ARMC8: variants seen among roughly 807,000 people sequenced by gnomAD.
ARMC8 encodes the protein armadillo repeat-containing protein 8.
In ARMC8, 20 loss-of-function variants were observed where a neutral mutation model predicts 99.3. The ratio of observed to expected loss-of-function variants is 0.20; its 90% confidence interval spans 0.14 to 0.29. ARMC8 has a LOEUF of 0.29. Among genes scored for constraint, ARMC8 ranks in the 10% least tolerant of loss-of-function variants. ARMC8 has a pLI of 1.00. For missense variants in ARMC8, 569 were observed against 809.5 expected, an observed-to-expected ratio of 0.70 and a Z score of 3.60; for synonymous variants, 263 against 278.3, an observed-to-expected ratio of 0.95 and a Z score of 0.55.
intron 12 of ARMC8, chr3:138,262,464 CTTCTT>C: frequency 3.9e-6 from 6 of 1,520,232 alleles, no homozygotes; most frequent in Non-Finnish European, 5.4e-6. Flanking sequence ...ATTTTCTTCT[CTTCTT>C]GTTTGGCTGA....
intron 21 of ARMC8, among the ~76,000 whole-genome samples, chr3:138,292,551 G>C (rs1274423956): frequency 1.3e-5 from 2 of 152,212 alleles, no homozygotes; most frequent in African/African-American, 2.4e-5. Flanking sequence ...ATTCAGTACA[G>C]GATGTTAAAG....
intron 1 of ARMC8, among the ~76,000 whole-genome samples, chr3:138,208,031 T>C (rs1203761925): frequency 6.6e-6 from 1 of 151,592 alleles, no homozygotes; most frequent in Non-Finnish European, 1.5e-5. Flanking sequence ...GAGGCTGAGA[T>C]GAGAGTATTC....
At chr3:138,224,613 C>T (rs1300076807) in intron 5 of ARMC8, among the ~76,000 whole-genome samples, 5 of 152,050 alleles carry the variant, frequency 3.3e-5, no homozygotes, top group East Asian at 3.9e-4. Context: ...TAACCGGGCA[C>T]GGTGGCACAT....
intron 1 of ARMC8, among the ~76,000 whole-genome samples, chr3:138,206,619 C>A (rs898348158): frequency 5.3e-5 from 8 of 152,202 alleles, no homozygotes; most frequent in African/African-American, 9.6e-5. Flanking sequence ...TTTCTCTTAT[C>A]AACCCATTTA....
At chr3:138,290,203 G>A (rs111512640) in intron 20 of ARMC8, among the ~76,000 whole-genome samples, 4,175 of 152,276 alleles carry the variant, frequency 0.027, 206 homozygotes, top group African/African-American at 0.096. Flanking sequence ...AGGGCCATGG[G>A]TATGTCCTGA....
At chr3:138,188,472 A>C in intron 1 of ARMC8, 2 of 1,613,146 alleles carry the variant, frequency 1.2e-6, no homozygotes, top group Non-Finnish European at 1.7e-6. Context: ...AATGAAAGTT[A>C]CTGGGAGATA....
intron 12 of ARMC8, among the ~76,000 whole-genome samples, chr3:138,255,644 G>C (rs1001435557): frequency 6.6e-6 from 1 of 152,176 alleles, no homozygotes; most frequent in Non-Finnish European, 1.5e-5. Flanking sequence ...ATATTCATCA[G>C]TGATCTGTTC....
intron 2 of ARMC8, among the ~76,000 whole-genome samples, chr3:138,219,420 C>T (rs2045268867): frequency 6.6e-6 from 1 of 152,124 alleles, no homozygotes; most frequent in South Asian, 2.1e-4. Context: ...GGTTTCAGGG[C>T]ATGCTTCCTG....
At chr3:138,219,988 T>C (rs1386067819) in intron 2 of ARMC8, among the ~76,000 whole-genome samples, 6 of 152,156 alleles carry the variant, frequency 3.9e-5, no homozygotes. Flanking sequence ...TGGGGAAATA[T>C]TAGGGTTGGG....
intron 2 of ARMC8, among the ~76,000 whole-genome samples, chr3:138,212,708 T>G (rs895717880): frequency 4.6e-5 from 7 of 152,152 alleles, no homozygotes; most frequent in Non-Finnish European, 8.8e-5. Flanking sequence ...CACCTCACAG[T>G]CATCATTAAG....
Position 138,223,447 on chromosome 3 carries a change from G to A in ARMC8, c.253G>A (p.Val85Met), listed in dbSNP as rs1471789297. The A allele has an allele frequency of 6.2e-7, 1 of 1,614,164 alleles. No individual in the cohort carries two copies. The highest frequency in any genetic ancestry group is 8.5e-7 in the Non-Finnish European group (1 of 1,179,998). The change falls in exon 4 of 22, where the codon GTG (valine) becomes ATG (methionine). Residue 85 changes from valine (V) to methionine (M), a missense_variant. Around this residue, in one of 2 missense-constraint regions of ARMC8, gnomAD observed 342 missense variants for 391.6 expected, o/e 0.87. Coordinates refer to ENST00000469044, the MANE Select transcript of ARMC8 (RefSeq NM_001363941.2). ...CACAGAGCTGAAAACTGAATGTGCAGTGGTGTTGGGAAGTCTTGCTATGGG... is the reference window on the plus strand; with the variant it reads ...CACAGAGCTGAAAACTGAATGTGCAATGGTGTTGGGAAGTCTTGCTATGGG... Reference protein sequence around the residue: ...SSTELKTECAVVLGSLAMGTE... With the variant: ...SSTELKTECAMVLGSLAMGTE...
chr3:138,223,801 A>T (rs1426130176), intron 5 of ARMC8, 68 bp downstream of exon 5: 4 of 1,300,322 alleles, frequency 3.1e-6, no homozygotes, highest in Non-Finnish European at 4.4e-6. Context: ...TTTGCTTAGC[A>T]TCTTCAGACT....
At chr3:138,190,309 G>A (rs1403849993) in intron 1 of ARMC8, among the ~76,000 whole-genome samples, 3 of 105,692 alleles carry the variant, frequency 2.8e-5, no homozygotes, top group Middle Eastern at 6.5e-3. Flanking sequence ...TTTTTGAGAT[G>A]GAGTTTTGCT....
chr3:138,202,329 TGAACTA>T (rs1384702432), intron 1 of ARMC8, among the ~76,000 whole-genome samples: 4 of 152,224 alleles, frequency 2.6e-5, no homozygotes, highest in Admixed American at 2.0e-4. Flanking sequence ...GATATGAAAA[TGAACTA>T]GAACATACTA....
intron 12 of ARMC8, among the ~76,000 whole-genome samples, chr3:138,253,558 TA>T (rs1423873859): frequency 6.6e-6 from 1 of 152,284 alleles, no homozygotes; most frequent in South Asian, 2.1e-4. Flanking sequence ...ATGATTAGCC[TA>T]AAAAAATACT....
chr3:138,211,430 C>T (rs2044690976), intron 2 of ARMC8, among the ~76,000 whole-genome samples: 1 of 152,160 alleles, frequency 6.6e-6, no homozygotes, highest in Admixed American at 6.5e-5. Flanking sequence ...CGAATGTTGT[C>T]ACTTTGAGAA....
intron 1 of ARMC8, among the ~76,000 whole-genome samples, chr3:138,200,718 CA>C (rs1436487971): frequency 6.6e-6 from 1 of 152,086 alleles, no homozygotes; most frequent in Non-Finnish European, 1.5e-5. Flanking sequence ...TCCCTTTTCT[CA>C]CCTCCACTTC....
At chr3:138,221,867 C>T in intron 2 of ARMC8, 59 bp from the exon 3 acceptor site, 1 of 1,325,094 alleles carries the variant, frequency 7.5e-7, no homozygotes, top group Non-Finnish European at 1.1e-6. Context: ...GTAGAATGAT[C>T]TTTGATTTTT....
At chr3:138,295,594 G>A (rs1273516600) in intron 21 of ARMC8, among the ~76,000 whole-genome samples, 1 of 152,232 alleles carries the variant, frequency 6.6e-6, no homozygotes, top group Non-Finnish European at 1.5e-5. Context: ...CAGGGACTGT[G>A]GAATGTCACT....
Sources: gnomAD v4.1 joint callset for allele counts (sites outside exome capture counted in the v4.1 genomes callset) on GRCh38, gnomAD v4.1.1 for gene constraint, gnomAD v4.1.1 regional missense constraint, MANE v1.5 for transcripts, NCBI Gene and HGNC (gene_info 2026-07-23, HGNC 2026-07-21) for gene names.